Variants in BMPER observed in about 807,000 individuals in gnomAD.
BMPER encodes BMP binding endothelial regulator.
BMPER carries 45 observed loss-of-function variants against 87.3 expected under a neutral mutation model. The observed-to-expected ratio is 0.52, with a 90% CI of 0.41 to 0.66. The LOEUF is 0.66. Ranked by LOEUF, BMPER falls within the 30% of genes least tolerant of loss-of-function variation. BMPER has a pLI of 0.00. For synonymous variants in BMPER, 326 were observed against 316.2 expected (o/e 1.03, Z -0.33); for missense variants, 784 against 867.5 (o/e 0.90, Z 1.21).
chr7:34,043,485 G>A (rs1343906485), intron 6 of BMPER, among the ~76,000 whole-genome samples: 1 of 152,166 alleles, frequency 6.6e-6, no homozygotes, highest in Non-Finnish European at 1.5e-5. Flanking sequence ...AGAGAGTCTG[G>A]GAAGTGTAGC....
intron 13 of BMPER, among the ~76,000 whole-genome samples, chr7:34,134,984 G>A (rs1583470407): frequency 6.6e-6 from 1 of 152,114 alleles, no homozygotes; most frequent in East Asian, 1.9e-4. Context: ...TTCAGAAGAG[G>A]GTCAGAGGTG....
intron 12 of BMPER, among the ~76,000 whole-genome samples, chr7:34,082,328 G>GTTT (rs55748957): frequency 0.43 from 49,679 of 116,084 alleles, 11,459 homozygotes; most frequent in East Asian, 0.77. Flanking sequence ...CAACTTATTA[G>GTTT]TTTTTTTTTT....
At chr7:34,001,563 C>CTTTTT (rs34700644) in intron 6 of BMPER, among the ~76,000 whole-genome samples, 1 of 138,612 alleles carries the variant, frequency 7.2e-6, no homozygotes, top group Non-Finnish European at 1.6e-5. Flanking sequence ...AATCTGCTTT[C>CTTTTT]TTTTTTTTTT....
chr7:34,141,766 C>T (rs1790880438), intron 13 of BMPER, among the ~76,000 whole-genome samples: 1 of 152,042 alleles, frequency 6.6e-6, no homozygotes, highest in African/African-American at 2.4e-5. Flanking sequence ...TACATCTGTT[C>T]CTCTTTTGTC....
chr7:33,941,408 G>A (rs1288588534), intron 3 of BMPER, among the ~76,000 whole-genome samples: 1 of 151,374 alleles, frequency 6.6e-6, no homozygotes, highest in African/African-American at 2.4e-5. Flanking sequence ...GTCGGGGGAT[G>A]GTTTTGGGAT....
At chr7:33,929,737 T>C (rs1378004478) in intron 2 of BMPER, among the ~76,000 whole-genome samples, 1 of 152,200 alleles carries the variant, frequency 6.6e-6, no homozygotes, top group Non-Finnish European at 1.5e-5. Context: ...TACTTACCTA[T>C]AAGATGTGAT....
In BMPER at chr7:34,079,000, G is replaced by A. The variant is rs767323516; in HGVS notation, c.1222G>A (p.Asp408Asn). ...GCCCTTCCAGGTGCTGGTGAAGAAC[G>A]ACGCCCGCCGGACACGCTCCTTCTC... ...ASPFQVLVKN[D>N]ARRTRSFSWT... Residue 408 changes from aspartate to asparagine, a missense_variant, in exon 12 of 15, where the codon GAC (aspartate) becomes AAC (asparagine). Transcript: ENST00000649409. 3 of 1,614,192 alleles carry A rather than the reference G, an allele frequency of 1.9e-6. No homozygotes were observed. The highest frequency in any genetic ancestry group is 2.5e-6 in the Non-Finnish European group (3 of 1,180,036).
chr7:33,939,441 C>T (rs903655579), intron 3 of BMPER, among the ~76,000 whole-genome samples: 24 of 152,128 alleles, frequency 1.6e-4, no homozygotes, highest in African/African-American at 2.4e-4. Flanking sequence ...GAAATCCCAA[C>T]GCATTTGGGG....
At chr7:33,976,675 G>T (rs1785695785) in intron 6 of BMPER, among the ~76,000 whole-genome samples, 1 of 152,020 alleles carries the variant, frequency 6.6e-6, no homozygotes, top group African/African-American at 2.4e-5. Context: ...CCAGGTAAAG[G>T]TGTGCCAAGG....
At chr7:33,933,386 G>A (rs1250614838) in intron 2 of BMPER, among the ~76,000 whole-genome samples, 1 of 151,918 alleles carries the variant, frequency 6.6e-6, no homozygotes, top group Non-Finnish European at 1.5e-5. Flanking sequence ...AGGGACACAC[G>A]GGAGACTAAG....
At chr7:33,910,278 C>T (rs940485936) in intron 2 of BMPER, among the ~76,000 whole-genome samples, 7 of 152,210 alleles carry the variant, frequency 4.6e-5, no homozygotes, top group East Asian at 1.9e-4. Flanking sequence ...GATATTTTCC[C>T]ACTTTCTTGC....
intron 6 of BMPER, among the ~76,000 whole-genome samples, chr7:33,987,503 C>G (rs754184007): frequency 6.6e-6 from 1 of 152,190 alleles, no homozygotes; most frequent in Non-Finnish European, 1.5e-5. Context: ...CACCTAAGAT[C>G]TCGAGCTGTG....
chr7:34,024,773 A>C (rs1016075053), intron 6 of BMPER, among the ~76,000 whole-genome samples: 2 of 152,012 alleles, frequency 1.3e-5, no homozygotes, highest in Non-Finnish European at 2.9e-5. Flanking sequence ...TAATAATACA[A>C]ATCCTGAATA....
intron 2 of BMPER, among the ~76,000 whole-genome samples, chr7:33,932,963 T>G (rs1349779041): frequency 6.6e-6 from 1 of 152,046 alleles, no homozygotes; most frequent in African/African-American, 2.4e-5. Context: ...AGAGCTCATT[T>G]CTCTCCCCAT....
intron 2 of BMPER, among the ~76,000 whole-genome samples, chr7:33,929,835 A>G (rs1784440687): frequency 6.6e-6 from 1 of 152,256 alleles, no homozygotes; most frequent in Admixed American, 6.5e-5. Context: ...TGGGGCATAT[A>G]ATAGATTTCC....
intron 13 of BMPER, among the ~76,000 whole-genome samples, chr7:34,118,038 C>T (rs1562755083): frequency 1.3e-5 from 2 of 152,096 alleles, no homozygotes; most frequent in Non-Finnish European, 2.9e-5. Flanking sequence ...AAAACAGGCC[C>T]AGTGCAGTGG....
chr7:34,027,486 T>G (rs1331871628), intron 6 of BMPER, among the ~76,000 whole-genome samples: 1 of 152,082 alleles, frequency 6.6e-6, no homozygotes, highest in African/African-American at 2.4e-5. Context: ...TATACCCCAT[T>G]TAAACATGAG....
At chr7:33,971,077 A>G (rs1487594231) in intron 5 of BMPER, among the ~76,000 whole-genome samples, 1 of 151,856 alleles carries the variant, frequency 6.6e-6, no homozygotes, top group African/African-American at 2.4e-5. Flanking sequence ...CCACTGGCCA[A>G]TAATCTCTGA....
At position 34,086,239 on chromosome 7, in the gene BMPER, C is replaced by T. The variant is rs1168252968; in HGVS notation, c.1745+147C>T. ...CTTCTTGCTGTCCAGGAGCTGATCT[C>T]ATCTTGAGTCAGCCCCATTCTAGGT... is the stretch of plus-strand genomic sequence containing the variant. On this transcript the variant is annotated intron_variant, in intron 13 of 14. Transcript: ENST00000649409. 4.4e-6 allele frequency: 4 copies of T among 906,910 alleles called. No homozygotes were observed. The Admixed American group carries it at 8.9e-5, about 20-fold the overall frequency. 56.2% of individuals were successfully genotyped at this position (906,910 alleles called of 1,614,324 possible).
Sources: allele counts gnomAD v4.1 joint callset (sites outside exome capture counted in the v4.1 genomes callset), GRCh38; gene constraint gnomAD v4.1.1; transcripts MANE v1.5; gene names NCBI Gene and HGNC (gene_info 2026-07-23, HGNC 2026-07-21).